Variants in RPS3 observed in about 807,000 individuals in gnomAD.
The protein encoded by RPS3 is small ribosomal subunit protein uS3.
RPS3 carries 2 observed loss-of-function variants against 25.8 expected under a neutral mutation model. The ratio of observed to expected loss-of-function variants is 0.08; its 90% confidence interval spans 0.03 to 0.24. The LOEUF (loss-of-function observed/expected upper bound fraction) is 0.24. Ranked by LOEUF, RPS3 falls within the 10% of genes least tolerant of loss-of-function variation. The pLI is 1.00. For missense variants in RPS3, 107 were observed against 307.1 expected, an observed-to-expected ratio of 0.35 and a Z score of 4.87; for synonymous variants, 114 against 114.2, an observed-to-expected ratio of 1.00 and a Z score of 0.01.
In RPS3 at chr11:75,402,353, T is replaced by A. The variant is rs11546215; in HGVS notation, c.257T>A (p.Leu86His). ...GGATATCCCTTGCTTCCTTTAAAGC[T>A]TTATGCTGAAAAGGTGGCCACTAGA... ...RFGFPEGSVE[L>H]YAEKVATRGL... Residue 86 changes from leucine to histidine, a missense_variant and splice_region_variant, in exon 4 of 7, where the codon CTT becomes CAT. This residue lies in a region of RPS3 where 81 missense variants were observed against 286.8 expected (regional missense o/e 0.28). Transcript: ENST00000531188. The A allele has an allele frequency of 6.2e-7, 1 of 1,613,756 alleles. No individual in the cohort carries two copies. Among genetic ancestry groups the A allele is most frequent in the South Asian group, 1.1e-5 (1 of 91,078 alleles).
Position 75,404,120 on chromosome 11 carries a change from A to G in RPS3, c.451A>G (p.Lys151Glu). 6.2e-7 allele frequency: 1 copy of G among 1,614,128 alleles called. No individual in the cohort carries two copies. Among genetic ancestry groups the G allele is most frequent in the Non-Finnish European group, 8.5e-7 (1 of 1,180,024 alleles). The stretch of plus-strand genomic sequence containing the variant: ...CCGAGGACAGAGGGCTAAATCCATG[A>G]AGTTTGTGGATGGCCTGATGATCCA... Reference protein sequence around the residue: ...KLRGQRAKSMKFVDGLMIHSG... With the variant: ...KLRGQRAKSMEFVDGLMIHSG... Residue 151 changes from lysine to glutamate, a missense_variant, in exon 5 of 7, where the codon AAG (lysine) becomes GAG (glutamate). By Grantham distance (56) the Lys-to-Glu change is moderately conservative. Around this residue, in one of 2 missense-constraint regions of RPS3, gnomAD observed 81 missense variants for 286.8 expected, o/e 0.28. Coordinates refer to ENST00000531188, the MANE Select transcript of RPS3 (RefSeq NM_001005.5). The surrounding 1 kb of genome is among the most constrained non-coding windows in gnomAD (Gnocchi z 4.6).
chr11:75,407,735 G>A (rs947521966), downstream of RPS3, among the ~76,000 whole-genome samples: 20 of 152,178 alleles, frequency 1.3e-4, no homozygotes, highest in Non-Finnish European at 2.1e-4. Flanking sequence ...TCAAAGTGCT[G>A]GGATTACAGG....
chr11:75,402,113 C>T (rs759759970), intron 3 of RPS3: 15 of 580,706 alleles, frequency 2.6e-5, no homozygotes, highest in Non-Finnish European at 4.3e-5. Flanking sequence ...ATCTTTTGGC[C>T]TCCGTAGGCT....
intron 4 of RPS3, 43 bp downstream of exon 4, chr11:75,402,489 T>A (rs1425583275): frequency 5.8e-6 from 9 of 1,563,746 alleles, no homozygotes; most frequent in Non-Finnish European, 7.0e-6. Context: ...TTTGTGTGTA[T>A]CAACATACAT....
Position 75,404,504 on chromosome 11 carries a change from A to G in RPS3, c.539-168A>G, listed in dbSNP as rs762036908. On this transcript the variant is annotated intron_variant, in intron 5 of 6. Coordinates refer to ENST00000531188, the MANE Select transcript of RPS3 (RefSeq NM_001005.5). The surrounding 1 kb of genome is among the most constrained non-coding windows in gnomAD (Gnocchi z 4.6). ...AGTGCCATGTTCTGTGGTGCTGTGC[A>G]CGAGTTCCTTTGGCAGAAGTGTCCT... is the stretch of plus-strand genomic sequence containing the variant. 1.2e-6 allele frequency: 1 copy of G among 817,344 alleles called. No homozygotes were observed. Among genetic ancestry groups the G allele is most frequent in the South Asian group, 1.3e-5 (1 of 74,556 alleles). The allele number at this position is 817,344 out of a possible 1,614,324, so 50.6% of individuals were successfully genotyped here.
chr11:75,402,567 T>C (rs1489813382), intron 4 of RPS3, 121 bp downstream of exon 4: 17 of 1,024,968 alleles, frequency 1.7e-5, no homozygotes, highest in Non-Finnish European at 2.1e-5. Flanking sequence ...CTCCCAGGGT[T>C]ATAATAAGAT....
At chr11:75,416,952 C>G (rs1554991212) in intron 6 of RPS3, among the ~76,000 whole-genome samples, 1 of 151,824 alleles carries the variant, frequency 6.6e-6, no homozygotes, top group East Asian at 1.9e-4. Context: ...TCTTTTTTTC[C>G]TTATAACACC....
intron 6 of RPS3, among the ~76,000 whole-genome samples, chr11:75,419,444 C>T (rs961323366): frequency 9.2e-5 from 14 of 151,526 alleles, no homozygotes; most frequent in Admixed American, 8.6e-4. Flanking sequence ...ATCCCAGCTA[C>T]GAGGGAGGCC....
Position 75,402,161 on chromosome 11 carries a change from T to G in RPS3, c.256-191T>G. The G allele has an allele frequency of 5.2e-6, 4 of 762,116 alleles. No homozygotes were observed. In the East Asian group the frequency reaches 1.1e-4, roughly 21 times the overall value. 47.2% of individuals were successfully genotyped at this position (762,116 alleles called of 1,614,324 possible). A position where few individuals can be genotyped will look rare whatever the true frequency, so the allele number is the denominator to read the frequency against. ...GAAATGTCTTGGGCCACACTACTAC[T>G]GGTAGCGCAAAAAATCACGATGTTG... On this transcript the variant is annotated intron_variant, in intron 3 of 6. Coordinates refer to ENST00000531188, the MANE Select transcript of RPS3 (RefSeq NM_001005.5).
chr11:75,421,442 G>A (rs896106820), intron 6 of RPS3, among the ~76,000 whole-genome samples: 2 of 152,168 alleles, frequency 1.3e-5, no homozygotes, highest in African/African-American at 4.8e-5. Flanking sequence ...ACAGAGCCTC[G>A]CAGAATCTGT....
intron 4 of RPS3, 26 bp from the exon 5 acceptor site, chr11:75,403,994 A>G (rs1259723045): frequency 2.5e-6 from 4 of 1,601,208 alleles, no homozygotes; most frequent in Non-Finnish European, 3.4e-6. Context: ...GCAATAACAC[A>G]GTGGCTCTCT....
chr11:75,410,852 G>A (rs1308557389), downstream of RPS3, among the ~76,000 whole-genome samples: 5 of 152,140 alleles, frequency 3.3e-5, no homozygotes, highest in African/African-American at 1.2e-4. Context: ...CAGGCGTGGC[G>A]GCGCGCGCCT....
At chr11:75,417,288 A>T (rs1186891773) in intron 6 of RPS3, among the ~76,000 whole-genome samples, 1 of 152,086 alleles carries the variant, frequency 6.6e-6, no homozygotes, top group African/African-American at 2.4e-5. Context: ...TGGGCAACAT[A>T]GCCAGACTCC....
At chr11:75,408,942 T>A (rs1028707069), downstream of RPS3, among the ~76,000 whole-genome samples, 9 of 152,080 alleles carry the variant, frequency 5.9e-5, no homozygotes, top group Admixed American at 5.9e-4. Flanking sequence ...GGACTCCCTC[T>A]ATATGCCACT....
intron 3 of RPS3, 35 bp from the exon 4 acceptor site, chr11:75,402,317 T>C (rs1592022015): frequency 1.3e-6 from 2 of 1,598,916 alleles, no homozygotes; most frequent in Non-Finnish European, 1.7e-6. Context: ...AAAATAATGG[T>C]GATGGTAACA....
chr11:75,403,376 G>C (rs936810504), intron 4 of RPS3: 18 of 152,224 alleles, frequency 1.2e-4, no homozygotes, highest in African/African-American at 4.3e-4. Flanking sequence ...TTCTAAGGTG[G>C]ACCATTATAC....
chr11:75,418,458 C>T (rs1565169152), intron 6 of RPS3, among the ~76,000 whole-genome samples: 2 of 151,422 alleles, frequency 1.3e-5, no homozygotes, highest in Admixed American at 6.6e-5. Flanking sequence ...TTAAAATACA[C>T]GATGGGTGGC....
At position 75,400,683 on chromosome 11, in the gene RPS3, GT is replaced by G. The variant is rs1217429965; in HGVS notation, c.31-8del. 1.9e-6 allele frequency: 3 copies of G among 1,610,560 alleles called. No individual in the cohort carries two copies. The highest frequency in any genetic ancestry group is 2.5e-6 in the Non-Finnish European group (3 of 1,177,676). The stretch of plus-strand genomic sequence containing the variant: ...ATCTCCTAATTTTGAACTTTGCTTT[GT>G]TTGGATTAGTTTGTCGCTGATGGCA... On this transcript the variant is annotated splice_polypyrimidine_tract_variant and intron_variant, in intron 1 of 6. Coordinates refer to ENST00000531188, the MANE Select transcript of RPS3 (RefSeq NM_001005.5).
chr11:75,409,217 TGGGTGTTTCTCGCAGAG>T (rs1363687885), downstream of RPS3, among the ~76,000 whole-genome samples: 1 of 148,442 alleles, frequency 6.7e-6, no homozygotes, highest in African/African-American at 2.5e-5. Flanking sequence ...TGATCATTCT[TGGGTGTTTCTCGCAGAG>T]GGGGATTTGG....
Sources: gnomAD v4.1 joint callset for allele counts (sites outside exome capture counted in the v4.1 genomes callset) on GRCh38, gnomAD v4.1.1 for gene constraint, gnomAD v4.1.1 regional missense constraint, Gnocchi (gnomAD v3.1) non-coding constraint, MANE v1.5 for transcripts, NCBI Gene and HGNC (gene_info 2026-07-23, HGNC 2026-07-21) for gene names.